The following MN1 variants were observed in gnomAD, a reference collection of about 807,000 sequenced individuals.
The protein encoded by MN1 is transcriptional activator MN1.
In MN1, 19 loss-of-function variants were observed where a neutral mutation model predicts 86.9. That is an observed-to-expected ratio of 0.22 (90% CI 0.15 to 0.32). The LOEUF (loss-of-function observed/expected upper bound fraction) is 0.32, where lower values mean the gene tolerates loss of function less well. Among genes scored for constraint, MN1 ranks in the 10% least tolerant of loss-of-function variants. The probability of loss-of-function intolerance (pLI) is 1.00; values close to 1 mark genes in which losing one functional copy is unlikely to be tolerated. For synonymous variants in MN1, 928 were observed against 849.6 expected (o/e 1.09, Z -1.60); for missense variants, 1,841 against 1,862.0 (o/e 0.99, Z 0.21).
At chr22:27,764,711 C>G (rs1301173217) in intron 1 of MN1, among the ~76,000 whole-genome samples, 3 of 152,186 alleles carry the variant, frequency 2.0e-5, no homozygotes, top group Non-Finnish European at 4.4e-5. Context: ...CCGGGCAGGG[C>G]TGCCAGGAGA....
In MN1 at chr22:27,799,724, A is replaced by G. The variant is rs1207830235; in HGVS notation, c.820T>C (p.Ser274Pro). 7.0e-6 allele frequency: 11 copies of G among 1,574,632 alleles called. No individual in the cohort carries two copies. The East Asian group carries it at 2.3e-4, about 33-fold the overall frequency. Residue 274 changes from serine (S) to proline (P), a missense_variant, in exon 1 of 2, where the codon TCG becomes CCG. Physicochemically the swap from Ser to Pro is moderately conservative, Grantham distance 74. Transcript: ENST00000302326. ...QVPGGAFPGA[S>P]AMPRAAGMVG... ...ATGCCCGCAGCTCTGGGCATGGCCG[A>G]GGCGCCCGGGAAAGCGCCCCCAGGA...
chr22:27,789,583 C>T (rs1933184210), intron 1 of MN1, among the ~76,000 whole-genome samples: 1 of 152,116 alleles, frequency 6.6e-6, no homozygotes, highest in South Asian at 2.1e-4. Context: ...ACGTGATTTC[C>T]CTCAACAATG....
chr22:27,759,708 C>T (rs1932822342), intron 1 of MN1, among the ~76,000 whole-genome samples: 1 of 152,246 alleles, frequency 6.6e-6, no homozygotes, highest in South Asian at 2.1e-4. Context: ...CTCCCACCTG[C>T]TTCCTAGCAC....
At chr22:27,770,516 C>G (rs1568974431) in intron 1 of MN1, among the ~76,000 whole-genome samples, 1 of 152,212 alleles carries the variant, frequency 6.6e-6, no homozygotes, top group Non-Finnish European at 1.5e-5. Context: ...CACTTTCCCT[C>G]TCTGGGCCTC....
Position 27,798,261 on chromosome 22 carries a change from T to G in MN1, c.2283A>C (p.Pro761=), listed in dbSNP as rs1326095737. Residue 761 remains proline (P), a synonymous_variant, in exon 1 of 2, where the codon CCA becomes CCC. Coordinates refer to ENST00000302326, the MANE Select transcript of MN1 (RefSeq NM_002430.3). ...AGRQSTPHSG[P]GVNSPPSAGG... The stretch of plus-strand genomic sequence containing the variant: ...CCGCGCTGGGGGGCGAGTTCACGCC[T>G]GGACCGCTGTGCGGCGTGGACTGCC... 4 of 1,527,234 alleles carry G rather than the reference T, an allele frequency of 2.6e-6. No homozygotes were observed. The highest frequency in any genetic ancestry group is 3.5e-6 in the Non-Finnish European group (4 of 1,148,016). 94.6% of individuals were successfully genotyped at this position (1,527,234 alleles called of 1,614,324 possible).
chr22:27,764,450 A>G (rs999917887), intron 1 of MN1, among the ~76,000 whole-genome samples: 2 of 152,140 alleles, frequency 1.3e-5, no homozygotes, highest in African/African-American at 4.8e-5. Context: ...GCCCTGCCAC[A>G]TCTCAGATGG....
Position 27,797,322 on chromosome 22 carries a change from C to G in MN1, c.3222G>C (p.Arg1074Ser). 1 of 1,603,304 alleles carries G rather than the reference C, an allele frequency of 6.2e-7. No homozygotes were observed. Among genetic ancestry groups the G allele is most frequent in the South Asian group, 1.1e-5 (1 of 91,028 alleles). The part of the protein sequence containing the change: ...DNPQALVKAS[R>S]SPLVTGSPKL... ...TGGGCGAGCCGGTCACCAGGGGACT[C>G]CTGCTCGCTTTAACTAGTGCCTGGG... The change falls in exon 1 of 2, where the codon AGG (arginine) becomes AGC (serine). Residue 1074 changes from arginine to serine, a missense_variant. Transcript: ENST00000302326.
In MN1 at chr22:27,797,874, G is replaced by T; in HGVS notation, c.2670C>A (p.Pro890=). The part of the protein sequence containing the change: ...PGGTAPGAPG[P]GGPSGTSSSG... ...TGCTACTGGTCCCGGACGGGCCTCCGGGTCCTGGGGCCCCAGGAGCAGTCC... is the reference window on the plus strand; with the variant it reads ...TGCTACTGGTCCCGGACGGGCCTCCTGGTCCTGGGGCCCCAGGAGCAGTCC... Residue 890 remains proline, a synonymous_variant, in exon 1 of 2, where the codon CCC becomes CCA. Coordinates refer to ENST00000302326, the MANE Select transcript of MN1 (RefSeq NM_002430.3). The T allele has an allele frequency of 6.3e-7, 1 of 1,590,834 alleles. No homozygotes were observed. Among genetic ancestry groups the T allele is most frequent in the Non-Finnish European group, 8.5e-7 (1 of 1,169,622 alleles).
At chr22:27,759,176 T>A (rs1211173040) in intron 1 of MN1, among the ~76,000 whole-genome samples, 1 of 151,996 alleles carries the variant, frequency 6.6e-6, no homozygotes, top group African/African-American at 2.4e-5. Context: ...AACCTACCAC[T>A]GAGAAAGGTG....
intron 1 of MN1, among the ~76,000 whole-genome samples, chr22:27,777,774 G>A (rs868767071): frequency 2.0e-5 from 3 of 151,724 alleles, no homozygotes; most frequent in Admixed American, 1.3e-4. Context: ...TACCAGGGAG[G>A]CTGAGGCAAG....
At chr22:27,765,794 CTG>C (rs910707430) in intron 1 of MN1, among the ~76,000 whole-genome samples, 2 of 152,222 alleles carry the variant, frequency 1.3e-5, no homozygotes, top group Non-Finnish European at 2.9e-5. Context: ...AGTCTAGAGG[CTG>C]TGTCTTCTTA....
At chr22:27,791,098 C>T (rs775783483) in intron 1 of MN1, among the ~76,000 whole-genome samples, 3 of 151,880 alleles carry the variant, frequency 2.0e-5, no homozygotes, top group Non-Finnish European at 4.4e-5. Context: ...TGTATATATG[C>T]GGATGCTGGG....
In MN1 at chr22:27,787,252, G is replaced by A. The variant is rs531147773; in HGVS notation, c.3781+9511C>T. ...GCATAAGGATCGTGAAATTGCTCCTGTTCTAAAAAGCCAAATTTTGATCTG... is the reference window on the plus strand; with the variant it reads ...GCATAAGGATCGTGAAATTGCTCCTATTCTAAAAAGCCAAATTTTGATCTG... On this transcript the variant is annotated intron_variant, in intron 1 of 1. Coordinates refer to ENST00000302326, the MANE Select transcript of MN1 (RefSeq NM_002430.3). 2.0e-5 allele frequency among the ~76,000 whole-genome samples: 3 copies of A among 152,342 alleles called. No individual in the cohort carries two copies. The South Asian group carries it at 6.2e-4, about 32-fold the overall frequency.
intron 1 of MN1, among the ~76,000 whole-genome samples, chr22:27,754,646 G>C (rs192899997): frequency 6.6e-6 from 1 of 152,188 alleles, no homozygotes; most frequent in African/African-American, 2.4e-5. Flanking sequence ...CTCAGACCGC[G>C]GCTCCCCAGG....
At chr22:27,776,299 C>T (rs1056209820) in intron 1 of MN1, among the ~76,000 whole-genome samples, 4 of 152,090 alleles carry the variant, frequency 2.6e-5, no homozygotes, top group African/African-American at 4.8e-5. Context: ...GTCTCGAGGA[C>T]GCGCTGTAGT....
At chr22:27,784,090 C>G (rs983672646) in intron 1 of MN1, among the ~76,000 whole-genome samples, 1 of 152,200 alleles carries the variant, frequency 6.6e-6, no homozygotes, top group African/African-American at 2.4e-5. Flanking sequence ...AGAGGGTACT[C>G]GGGAGCTGGA....
At chr22:27,769,692 T>G (rs1371310371) in intron 1 of MN1, among the ~76,000 whole-genome samples, 2 of 151,538 alleles carry the variant, frequency 1.3e-5, no homozygotes, top group Admixed American at 6.6e-5. Context: ...TAGCTGGGAC[T>G]ATAGGCACCC....
chr22:27,795,393 G>C (rs1009099096), intron 1 of MN1, among the ~76,000 whole-genome samples: 4 of 151,966 alleles, frequency 2.6e-5, no homozygotes, highest in Admixed American at 6.6e-5. Context: ...CAGCCCCCAT[G>C]CCATTCTCCT....
intron 1 of MN1, among the ~76,000 whole-genome samples, chr22:27,777,547 A>AG (rs57833568): frequency 4.3e-5 from 5 of 116,722 alleles, no homozygotes; most frequent in South Asian, 3.1e-4. Flanking sequence ...AAAAAAAAAA[A>AG]AGAGAGAGAG....
Sources: allele counts gnomAD v4.1 joint callset (sites outside exome capture counted in the v4.1 genomes callset), GRCh38; gene constraint gnomAD v4.1.1; transcripts MANE v1.5; gene names NCBI Gene and HGNC (gene_info 2026-07-23, HGNC 2026-07-21).